The following ALK variants were observed in gnomAD, a reference collection of about 807,000 sequenced individuals.
The protein encoded by ALK is ALK tyrosine kinase receptor.
ALK carries 74 observed loss-of-function variants against 163.1 expected under a neutral mutation model. The ratio of observed to expected loss-of-function variants is 0.45; its 90% confidence interval spans 0.38 to 0.55. ALK has a LOEUF of 0.55. ALK is among the 20% of genes least tolerant of loss of function. ALK has a pLI of 0.00. For synonymous variants in ALK, 960 were observed against 843.2 expected (o/e 1.14, Z -2.40); for missense variants, 2,063 against 2,105.3 (o/e 0.98, Z 0.39).
intron 9 of ALK, among the ~76,000 whole-genome samples, chr2:29,291,566 A>G (rs1666023706): frequency 1.3e-5 from 2 of 152,194 alleles, no homozygotes; most frequent in South Asian, 4.2e-4. Flanking sequence ...ATCTACCCCA[A>G]GGGGTTGTTT....
intron 3 of ALK, among the ~76,000 whole-genome samples, chr2:29,569,636 T>C (rs951252149): frequency 2.0e-5 from 3 of 152,030 alleles, no homozygotes; most frequent in South Asian, 2.1e-4. Context: ...TGAAAACTGA[T>C]AGGGTTTCTT....
intron 3 of ALK, among the ~76,000 whole-genome samples, chr2:29,664,872 G>A (rs1259780577): frequency 6.6e-6 from 1 of 152,048 alleles, no homozygotes; most frequent in Admixed American, 6.6e-5. Context: ...CACTTACGGA[G>A]GTTCAGAACT....
chr2:29,602,694 T>C (rs968326620), intron 3 of ALK, among the ~76,000 whole-genome samples: 1 of 151,816 alleles, frequency 6.6e-6, no homozygotes, highest in African/African-American at 2.4e-5. Flanking sequence ...GGTTAAAGAG[T>C]CCTGAACCTC....
At chr2:29,894,853 AAC>A (rs796857722) in intron 1 of ALK, among the ~76,000 whole-genome samples, 8,393 of 33,284 alleles carry the variant, frequency 0.25, 655 homozygotes, top group African/African-American at 0.38. Flanking sequence ...CACACACACA[AAC>A]ACACACACAC....
chr2:29,232,269 A>T (rs375811413), intron 15 of ALK, 35 bp downstream of exon 15: 15 of 1,613,676 alleles, frequency 9.3e-6, no homozygotes, highest in Non-Finnish European at 1.3e-5. Flanking sequence ...GGCCTGGGAG[A>T]GGTTCTGGGA....
At chr2:29,499,330 G>A (rs904475826) in intron 4 of ALK, among the ~76,000 whole-genome samples, 2 of 152,084 alleles carry the variant, frequency 1.3e-5, no homozygotes, top group African/African-American at 4.8e-5. Flanking sequence ...CCAAGTAGCT[G>A]GAATTACAGG....
intron 4 of ALK, among the ~76,000 whole-genome samples, chr2:29,507,505 T>G (rs1197866205): frequency 6.6e-6 from 1 of 152,194 alleles, no homozygotes; most frequent in Non-Finnish European, 1.5e-5. Context: ...GAACTGTACA[T>G]TTAAAGATGA....
At chr2:29,678,845 G>T (rs1677973820) in intron 3 of ALK, among the ~76,000 whole-genome samples, 1 of 151,712 alleles carries the variant, frequency 6.6e-6, no homozygotes. Flanking sequence ...TACTTGAAAG[G>T]TTTGTATTAT....
chr2:29,254,999 G>C (rs1664916707), intron 11 of ALK, among the ~76,000 whole-genome samples: 1 of 152,174 alleles, frequency 6.6e-6, no homozygotes, highest in Non-Finnish European at 1.5e-5. Context: ...TTCTAAAGTG[G>C]ATTCTGTGGG....
At chr2:29,789,942 G>C (rs557437887) in intron 1 of ALK, among the ~76,000 whole-genome samples, 2 of 152,266 alleles carry the variant, frequency 1.3e-5, no homozygotes, top group African/African-American at 4.8e-5. Flanking sequence ...GTAATATCCA[G>C]GGCCCTGTAA....
intron 6 of ALK, among the ~76,000 whole-genome samples, chr2:29,324,453 A>G (rs927233673): frequency 1.3e-5 from 2 of 152,262 alleles, no homozygotes; most frequent in Non-Finnish European, 2.9e-5. Context: ...TATGGGCGAT[A>G]GTTATTTTCT....
At chr2:29,814,614 C>G (rs563468636) in intron 1 of ALK, among the ~76,000 whole-genome samples, 1 of 151,166 alleles carries the variant, frequency 6.6e-6, no homozygotes, top group Non-Finnish European at 1.5e-5. Flanking sequence ...GAGCCAAGAT[C>G]GCACCACTGC....
intron 1 of ALK, among the ~76,000 whole-genome samples, chr2:29,778,767 A>G (rs1056027163): frequency 5.3e-5 from 8 of 152,214 alleles, no homozygotes; most frequent in African/African-American, 1.9e-4. Context: ...CCACTCTTAT[A>G]AGGAAAGGGG....
chr2:29,565,216 T>C (rs1319006884), intron 3 of ALK, among the ~76,000 whole-genome samples: 2 of 152,196 alleles, frequency 1.3e-5, no homozygotes, highest in African/African-American at 4.8e-5. Flanking sequence ...CTAGGAAAGA[T>C]TACTGTGCCA....
chr2:29,422,989 C>G (rs1418036757), intron 4 of ALK, among the ~76,000 whole-genome samples: 1 of 151,054 alleles, frequency 6.6e-6, no homozygotes, highest in African/African-American at 2.4e-5. Context: ...ATCAACAATG[C>G]CAGGGGAGAT....
intron 26 of ALK, among the ~76,000 whole-genome samples, chr2:29,201,159 G>C (rs909356182): frequency 2.0e-5 from 3 of 151,734 alleles, no homozygotes; most frequent in African/African-American, 7.3e-5. Context: ...GGAAAAATGG[G>C]AGCCAAAAAT....
intron 3 of ALK, among the ~76,000 whole-genome samples, chr2:29,606,563 G>A (rs1675547465): frequency 6.6e-6 from 1 of 152,234 alleles, no homozygotes; most frequent in African/African-American, 2.4e-5. Flanking sequence ...TCTGCAGGAA[G>A]ATGAGCTCAT....
chr2:29,482,590 T>G lies in ALK; in HGVS notation c.1154+49325A>C, dbSNP rs1268041304. On this transcript the variant is annotated intron_variant, in intron 4 of 28. Transcript: ENST00000389048. ...GCTAATGGTGTGAGGTGAGGTCAGG[T>G]AGGTAGGGTTTCCTCAGTTATTTAC... Among the ~76,000 whole-genome samples the G allele has an allele frequency of 2.6e-5, 4 of 152,222 alleles. No individual in the cohort carries two copies. The East Asian group carries it at 7.7e-4, about 29-fold the overall frequency.
chr2:29,686,625 C>T (rs2246046), intron 3 of ALK, among the ~76,000 whole-genome samples: 124,162 of 152,134 alleles, frequency 0.82, 50,781 homozygotes, highest in South Asian at 0.86. Context: ...GGCCTCTGCT[C>T]CCCCAGCCAG....
Sources: allele counts gnomAD v4.1 joint callset (sites outside exome capture counted in the v4.1 genomes callset), GRCh38; gene constraint gnomAD v4.1.1; transcripts MANE v1.5; gene names NCBI Gene and HGNC (gene_info 2026-07-23, HGNC 2026-07-21).